SLC5A11: variants seen among roughly 807,000 people sequenced by gnomAD.
The protein encoded by SLC5A11 is sodium/myo-inositol cotransporter 2.
SLC5A11 carries 48 observed loss-of-function variants against 69.8 expected under a neutral mutation model. That is an observed-to-expected ratio of 0.69 (90% CI 0.55 to 0.87). The LOEUF (loss-of-function observed/expected upper bound fraction) is 0.87. SLC5A11 is among the 40% of genes least tolerant of loss of function. The pLI, the probability that SLC5A11 is intolerant of heterozygous loss-of-function variation, is 0.00. For synonymous variants in SLC5A11, 319 were observed against 342.4 expected (o/e 0.93, Z 0.75); for missense variants, 784 against 866.1 (o/e 0.91, Z 1.19).
chr16:24,900,031 G>A (rs2049468009), intron 10 of SLC5A11, among the ~76,000 whole-genome samples: 1 of 152,102 alleles, frequency 6.6e-6, no homozygotes, highest in South Asian at 2.1e-4. Context: ...AAATCTCATG[G>A]GATATCGAGG....
chr16:24,849,351 C>T (rs1443174950), intron 1 of SLC5A11, among the ~76,000 whole-genome samples: 7 of 151,416 alleles, frequency 4.6e-5, no homozygotes, highest in African/African-American at 1.7e-4. Flanking sequence ...GTGGATCACC[C>T]GAGGTCAGGA....
chr16:24,890,976 T>C (rs147167831), exon 9 of SLC5A11: 707 of 1,614,064 alleles, frequency 4.4e-4, no homozygotes, highest in Non-Finnish European at 5.5e-4. Flanking sequence ...GGAAGATGCC[T>C]TCCATATTTT....
intron 8 of SLC5A11, among the ~76,000 whole-genome samples, chr16:24,889,079 G>T (rs1433425388): frequency 6.6e-6 from 1 of 152,102 alleles, no homozygotes; most frequent in Non-Finnish European, 1.5e-5. Flanking sequence ...TTACAGGCGT[G>T]AGCCACCTGG....
At chr16:24,896,279 G>A (rs1013147463) in intron 9 of SLC5A11, among the ~76,000 whole-genome samples, 13 of 152,006 alleles carry the variant, frequency 8.6e-5, no homozygotes, top group Non-Finnish European at 4.4e-5. Flanking sequence ...GAGGCCAGGG[G>A]TTCAAGACCA....
intron 9 of SLC5A11, among the ~76,000 whole-genome samples, chr16:24,892,460 G>A (rs1312068786): frequency 7.3e-6 from 1 of 136,134 alleles, no homozygotes. Flanking sequence ...AAAAAAAAAA[G>A]GAGAATAGAA....
chr16:24,894,369 G>A (rs565211848), intron 9 of SLC5A11, among the ~76,000 whole-genome samples: 1 of 152,266 alleles, frequency 6.6e-6, no homozygotes, highest in South Asian at 2.1e-4. Context: ...AAAAAGCAAG[G>A]AAAGATAAGG....
chr16:24,901,981 C>CACAT (rs1216423933), intron 10 of SLC5A11, among the ~76,000 whole-genome samples: 20 of 148,954 alleles, frequency 1.3e-4, no homozygotes, highest in African/African-American at 4.9e-4. Flanking sequence ...CACACACACA[C>CACAT]ATATATAGTA....
At chr16:24,891,033 G>A (rs2048765094) in exon 9 of SLC5A11, 2 of 1,613,982 alleles carry the variant, frequency 1.2e-6, no homozygotes, top group Admixed American at 1.7e-5. Context: ...GGTCCTATTT[G>A]GAATGTCCAT....
chr16:24,887,090 T>C (rs186153500), intron 8 of SLC5A11, among the ~76,000 whole-genome samples: 58 of 152,310 alleles, frequency 3.8e-4, no homozygotes, highest in African/African-American at 1.3e-3. Flanking sequence ...GCTACAGATG[T>C]GTTTTATGGG....
At chr16:24,862,539 A>C (rs1301361388) in intron 2 of SLC5A11, 62 bp from the exon 4 acceptor site, 1 of 1,467,282 alleles carries the variant, frequency 6.8e-7, no homozygotes, top group Admixed American at 1.7e-5. Flanking sequence ...GGCCTAGGCC[A>C]TTTTGAGATG....
At chr16:24,852,981 ATGTT>A (rs907049150) in intron 1 of SLC5A11, among the ~76,000 whole-genome samples, 28 of 150,762 alleles carry the variant, frequency 1.9e-4, no homozygotes, top group African/African-American at 3.4e-4. Flanking sequence ...TGCCTAATAA[ATGTT>A]TGTTCTATTG....
intron 7 of SLC5A11, among the ~76,000 whole-genome samples, chr16:24,883,783 C>T (rs908230799): frequency 6.6e-6 from 1 of 152,192 alleles, no homozygotes; most frequent in African/African-American, 2.4e-5. Context: ...CATACCACTT[C>T]CCCCACATTC....
At chr16:24,865,570 T>C (rs1444486518) in intron 3 of SLC5A11, among the ~76,000 whole-genome samples, 1 of 151,878 alleles carries the variant, frequency 6.6e-6, no homozygotes, top group Non-Finnish European at 1.5e-5. Flanking sequence ...AAAAGAAAAG[T>C]CTTCAATAAG....
At chr16:24,849,597 T>TAG in intron 1 of SLC5A11, among the ~76,000 whole-genome samples, 1 of 76,308 alleles carries the variant, frequency 1.3e-5, no homozygotes, top group African/African-American at 5.8e-5. Flanking sequence ...AAAAAAAATA[T>TAG]ATATATATAT....
chr16:24,869,529 C>T (rs1307009694), intron 3 of SLC5A11, among the ~76,000 whole-genome samples: 2 of 152,166 alleles, frequency 1.3e-5, no homozygotes, highest in Non-Finnish European at 2.9e-5. Context: ...CACAGGCTTC[C>T]TGATTCTCAT....
intron 14 of SLC5A11, 78 bp downstream of exon 15, chr16:24,909,174 C>T (rs562152374): frequency 3.9e-5 from 56 of 1,451,490 alleles, no homozygotes; most frequent in African/African-American, 3.5e-4. Context: ...CTGACTTAAG[C>T]GAAGGAGACT....
chr16:24,849,625 C>CATATATATATATAT (rs2059213086), intron 1 of SLC5A11, among the ~76,000 whole-genome samples: 1 of 87,656 alleles, frequency 1.1e-5, no homozygotes, highest in Non-Finnish European at 2.3e-5. Flanking sequence ...TATATATATC[C>CATATATATATATAT]ATGAGAGATG....
chr16:24,898,177 A>AT (rs2049318041), intron 10 of SLC5A11, 68 bp downstream of exon 11: 1 of 1,545,072 alleles, frequency 6.5e-7, no homozygotes, highest in African/African-American at 1.4e-5. Context: ...TATTCTAAAC[A>AT]TATTATTAGA....
At chr16:24,865,776 T>G (rs1162164977) in intron 3 of SLC5A11, among the ~76,000 whole-genome samples, 1 of 151,870 alleles carries the variant, frequency 6.6e-6, no homozygotes, top group African/African-American at 2.4e-5. Context: ...AAGGTAATCC[T>G]TCAGGCTGAA....
Sources: allele counts gnomAD v4.1 joint callset (sites outside exome capture counted in the v4.1 genomes callset), GRCh38; gene constraint gnomAD v4.1.1; transcripts MANE v1.5; gene names NCBI Gene and HGNC (gene_info 2026-07-23, HGNC 2026-07-21).